The following TAS2R1 variants were observed in gnomAD, a reference collection of about 807,000 sequenced individuals.
TAS2R1 encodes the protein taste 2 receptor member 1, also known as taste receptor type 2 member 1.
For missense variants in TAS2R1, 370 were observed against 353.4 expected (o/e 1.05, Z -0.38); for synonymous variants, 141 against 134.2 (o/e 1.05, Z -0.35).
chr5:9,896,832 C>A, the TAS2R1 span, among the ~76,000 whole-genome samples: 1 of 152,158 alleles, frequency 6.6e-6, no homozygotes, highest in East Asian at 1.9e-4. Flanking sequence ...ATGAACACAG[C>A]AGGACTTGCT....
chr5:9,784,973 T>G, the TAS2R1 span, among the ~76,000 whole-genome samples: 1 of 152,224 alleles, frequency 6.6e-6, no homozygotes, highest in East Asian at 1.9e-4. Flanking sequence ...ATATCATTTT[T>G]GGGGAGACAC....
At chr5:9,737,910 C>T in the TAS2R1 span, among the ~76,000 whole-genome samples, 1 of 152,180 alleles carries the variant, frequency 6.6e-6, no homozygotes, top group East Asian at 1.9e-4. Flanking sequence ...GGGGCTTCCT[C>T]TAATTCCCTG....
chr5:9,703,172 G>A (rs1346231542), intron 1 of TAS2R1, among the ~76,000 whole-genome samples: 4 of 152,048 alleles, frequency 2.6e-5, no homozygotes, highest in African/African-American at 9.7e-5. Context: ...CCAACAGCTG[G>A]AGAACTGTCC....
the TAS2R1 span, among the ~76,000 whole-genome samples, chr5:9,877,838 T>C: frequency 6.6e-6 from 1 of 152,198 alleles, no homozygotes; most frequent in Non-Finnish European, 1.5e-5. Flanking sequence ...TTCCTCTTCT[T>C]TTTTTTGAAG....
the TAS2R1 span, among the ~76,000 whole-genome samples, chr5:9,893,431 G>A: frequency 1.1e-4 from 16 of 151,968 alleles, no homozygotes; most frequent in African/African-American, 3.1e-4. Context: ...TCCTATCTCC[G>A]ACTTCTTCGC....
chr5:9,793,686 T>G, the TAS2R1 span, among the ~76,000 whole-genome samples: 1 of 152,178 alleles, frequency 6.6e-6, no homozygotes, highest in Non-Finnish European at 1.5e-5. Context: ...AGAAACCAGA[T>G]GCAGCCCTGG....
the TAS2R1 span, among the ~76,000 whole-genome samples, chr5:9,736,692 T>G: frequency 2.0e-5 from 3 of 152,330 alleles, no homozygotes; most frequent in South Asian, 4.1e-4. Flanking sequence ...CAGGTCCTGC[T>G]GGGGAATCCA....
intron 2 of TAS2R1, among the ~76,000 whole-genome samples, chr5:9,652,156 C>T (rs980813004): frequency 6.6e-6 from 1 of 152,176 alleles, no homozygotes; most frequent in Non-Finnish European, 1.5e-5. Context: ...CTCTCTGCAT[C>T]CCATGAGACA....
chr5:9,653,201 G>C (rs895879819), intron 2 of TAS2R1, among the ~76,000 whole-genome samples: 7 of 152,138 alleles, frequency 4.6e-5, no homozygotes, highest in African/African-American at 1.7e-4. Context: ...CACCCAAGTT[G>C]TAACATACGT....
At chr5:9,876,982 T>C in the TAS2R1 span, among the ~76,000 whole-genome samples, 2 of 152,240 alleles carry the variant, frequency 1.3e-5, no homozygotes, top group Non-Finnish European at 2.9e-5. Context: ...CCAAAGTGTC[T>C]ACACATGCCA....
the TAS2R1 span, among the ~76,000 whole-genome samples, chr5:9,826,421 G>C: frequency 6.6e-6 from 1 of 152,072 alleles, no homozygotes; most frequent in Non-Finnish European, 1.5e-5. Context: ...TGATCCCAGG[G>C]TTAAAACAAC....
At chr5:9,828,447 C>T in the TAS2R1 span, among the ~76,000 whole-genome samples, 1 of 152,150 alleles carries the variant, frequency 6.6e-6, no homozygotes, top group Non-Finnish European at 1.5e-5. Context: ...TTAATTACTA[C>T]AACTGAGGCC....
the TAS2R1 span, among the ~76,000 whole-genome samples, chr5:9,885,536 G>C: frequency 7.2e-5 from 11 of 152,244 alleles, no homozygotes; most frequent in Non-Finnish European, 1.5e-4. Context: ...TCAGTTATGT[G>C]GTGTTGTTAA....
the TAS2R1 span, among the ~76,000 whole-genome samples, chr5:9,817,745 T>C: frequency 6.6e-6 from 1 of 152,094 alleles, no homozygotes; most frequent in Non-Finnish European, 1.5e-5. Context: ...AACTGGAAAA[T>C]GTATAAACGA....
At chr5:9,753,119 G>C in the TAS2R1 span, among the ~76,000 whole-genome samples, 1 of 152,086 alleles carries the variant, frequency 6.6e-6, no homozygotes, top group African/African-American at 2.4e-5. Flanking sequence ...CTGAAGAATC[G>C]CCACACTGAC....
chr5:9,830,177 TTGGATGGA>T, the TAS2R1 span, among the ~76,000 whole-genome samples: 1,817 of 132,602 alleles, frequency 0.014, 38 homozygotes, highest in African/African-American at 0.041. Context: ...AGAGAACAGA[TTGGATGGA>T]TGGATGGATG....
At chr5:9,872,540 A>G in the TAS2R1 span, among the ~76,000 whole-genome samples, 2 of 152,252 alleles carry the variant, frequency 1.3e-5, no homozygotes, top group African/African-American at 2.4e-5. Context: ...ATTTAATTAG[A>G]TATTTCCAAA....
chr5:9,744,466 G>C, the TAS2R1 span, among the ~76,000 whole-genome samples: 1 of 152,138 alleles, frequency 6.6e-6, no homozygotes, highest in African/African-American at 2.4e-5. Context: ...GTAATCAAAA[G>C]CATCCATACA....
chr5:9,633,288 T>TATATTATATA (rs1739902577), upstream of TAS2R1, among the ~76,000 whole-genome samples: 1 of 62,212 alleles, frequency 1.6e-5, no homozygotes, highest in African/African-American at 9.0e-5. Flanking sequence ...TGTGTGTGTG[T>TATATTATATA]GTATATTATA....
Sources: gnomAD v4.1 joint callset for allele counts (sites outside exome capture counted in the v4.1 genomes callset) on GRCh38, gnomAD v4.1.1 for gene constraint, MANE v1.5 for transcripts, NCBI Gene and HGNC (gene_info 2026-07-23, HGNC 2026-07-21) for gene names.